Variants in LCP2 observed in about 807,000 individuals in gnomAD.
LCP2 encodes 76 kDa tyrosine phosphoprotein.
A neutral mutation model predicts 74.5 loss-of-function variants in LCP2; 29 were observed. The observed-to-expected ratio is 0.39, with a 90% CI of 0.29 to 0.53. The LOEUF (loss-of-function observed/expected upper bound fraction) is 0.53, where lower values mean the gene tolerates loss of function less well. Ranked by LOEUF, LCP2 falls within the 20% of genes least tolerant of loss-of-function variation. The probability of loss-of-function intolerance (pLI) is 0.72; values close to 1 mark genes in which losing one functional copy is unlikely to be tolerated. For synonymous variants in LCP2, 228 were observed against 229.5 expected, an observed-to-expected ratio of 0.99 and a Z score of 0.06; for missense variants, 604 against 634.6, an observed-to-expected ratio of 0.95 and a Z score of 0.52.
intron 3 of LCP2, among the ~76,000 whole-genome samples, chr5:170,279,650 A>T (rs893082988): frequency 6.6e-6 from 1 of 152,178 alleles, no homozygotes; most frequent in Non-Finnish European, 1.5e-5. Flanking sequence ...GATTTTTATT[A>T]TCATCCAAAA....
chr5:170,278,542 G>A (rs1305808072), intron 3 of LCP2, among the ~76,000 whole-genome samples: 2 of 150,330 alleles, frequency 1.3e-5, no homozygotes, highest in Middle Eastern at 3.4e-3. Context: ...GGTGGGATGC[G>A]GTTGCCATTT....
intron 7 of LCP2, among the ~76,000 whole-genome samples, 159 bp from the exon 8 acceptor site, chr5:170,268,641 C>T (rs1251255563): frequency 6.6e-6 from 1 of 152,094 alleles, no homozygotes; most frequent in East Asian, 1.9e-4. Flanking sequence ...TGGATCTCAC[C>T]CACCCCTCCC....
At chr5:170,297,072 T>G (rs1436535454) in intron 1 of LCP2, among the ~76,000 whole-genome samples, 1 of 152,182 alleles carries the variant, frequency 6.6e-6, no homozygotes, top group Non-Finnish European at 1.5e-5. Context: ...AGCGTTGATC[T>G]CATTAGCAGT....
chr5:170,267,153 T>G, intron 8 of LCP2, 78 bp from the exon 9 acceptor site: 2 of 1,404,948 alleles, frequency 1.4e-6, no homozygotes, highest in East Asian at 2.3e-5. Flanking sequence ...TGTCTGGATC[T>G]GCTCACTTTT....
Position 170,297,521 on chromosome 5 carries a change from G to A in LCP2, c.78+13C>T, listed in dbSNP as rs771576642. On this transcript the variant is annotated intron_variant, in intron 1 of 20. Coordinates refer to ENST00000046794, the MANE Select transcript of LCP2 (RefSeq NM_005565.5). ...ACTAGCATCATGACCATTCACACAAGAGCAAGGCTTACCTTCTTGAAATAG... is the reference window on the plus strand; with the variant it reads ...ACTAGCATCATGACCATTCACACAAAAGCAAGGCTTACCTTCTTGAAATAG... The A allele has an allele frequency of 6.2e-7, 1 of 1,610,642 alleles. No homozygotes were observed. Among genetic ancestry groups the A allele is most frequent in the African/African-American group, 1.3e-5 (1 of 74,968 alleles).
intron 3 of LCP2, among the ~76,000 whole-genome samples, chr5:170,281,583 C>T (rs1467974554): frequency 6.6e-6 from 1 of 152,232 alleles, no homozygotes; most frequent in Non-Finnish European, 1.5e-5. Flanking sequence ...CATTCTTTAA[C>T]AGGCATGAGA....
At chr5:170,270,500 G>T (rs763846993) in intron 7 of LCP2, 41 of 517,316 alleles carry the variant, frequency 7.9e-5, no homozygotes, top group Non-Finnish European at 1.1e-4. Context: ...AAACCTATGT[G>T]GTCTGTACAT....
At chr5:170,280,503 A>T (rs1206947519) in intron 3 of LCP2, among the ~76,000 whole-genome samples, 2 of 152,108 alleles carry the variant, frequency 1.3e-5, no homozygotes, top group Non-Finnish European at 2.9e-5. Flanking sequence ...GGGCAGCCAG[A>T]TGTTTTAAGA....
chr5:170,295,604 A>G (rs1762363535), intron 1 of LCP2, among the ~76,000 whole-genome samples: 1 of 152,192 alleles, frequency 6.6e-6, no homozygotes, highest in Admixed American at 6.5e-5. Flanking sequence ...TGACCCCACT[A>G]CTTGGGTAGA....
At chr5:170,269,096 ATC>A (rs1761842213) in intron 7 of LCP2, among the ~76,000 whole-genome samples, 2 of 152,226 alleles carry the variant, frequency 1.3e-5, no homozygotes, top group Non-Finnish European at 1.5e-5. Flanking sequence ...CATTTTGCTC[ATC>A]TCTTCCCATA....
intron 2 of LCP2, 133 bp downstream of exon 2, chr5:170,293,177 C>A: frequency 1.2e-6 from 1 of 818,522 alleles, no homozygotes; most frequent in Non-Finnish European, 2.0e-6. Flanking sequence ...AGAGGGGGCC[C>A]TACCAAATTT....
intron 14 of LCP2, 91 bp from the exon 15 acceptor site, chr5:170,258,969 A>G: frequency 1.2e-6 from 1 of 824,130 alleles, no homozygotes; most frequent in Non-Finnish European, 2.0e-6. Context: ...AATAAATCAA[A>G]TAGGTATCTG....
At chr5:170,249,061 C>T (rs1761365626) in intron 20 of LCP2, among the ~76,000 whole-genome samples, 1 of 152,128 alleles carries the variant, frequency 6.6e-6, no homozygotes, top group Non-Finnish European at 1.5e-5. Flanking sequence ...GTAATTCACC[C>T]CTGTAATCCC....
intron 2 of LCP2, among the ~76,000 whole-genome samples, chr5:170,290,977 AAAG>A (rs1762281987): frequency 2.3e-5 from 2 of 86,938 alleles, no homozygotes; most frequent in Non-Finnish European, 5.1e-5. Context: ...AGAAAGAAAG[AAAG>A]AAAGAAAGAA....
chr5:170,255,352 C>G (rs1309845105), intron 17 of LCP2, among the ~76,000 whole-genome samples: 1 of 152,202 alleles, frequency 6.6e-6, no homozygotes, highest in Admixed American at 6.5e-5. Flanking sequence ...TGTTGATTCT[C>G]AGGCTATCAA....
At chr5:170,264,306 A>T (rs1384886310) in intron 10 of LCP2, among the ~76,000 whole-genome samples, 1 of 152,212 alleles carries the variant, frequency 6.6e-6, no homozygotes, top group Non-Finnish European at 1.5e-5. Flanking sequence ...ATTTTCTTCT[A>T]CGTTTTTATT....
chr5:170,291,868 C>G (rs1198016061), intron 2 of LCP2, among the ~76,000 whole-genome samples: 1 of 152,186 alleles, frequency 6.6e-6, no homozygotes, highest in Non-Finnish European at 1.5e-5. Flanking sequence ...TTGGGTTTAG[C>G]AGTAATTTGC....
In LCP2 at chr5:170,277,074, TAA is replaced by T. The variant is rs750930541; in HGVS notation, c.189-1216_189-1215del. ...CTGGTGACAGAGGGAGACTCCATCT[TAA>T]AAAAAAAAAAAAAAAAAAAAAGGGA... On this transcript the variant is annotated intron_variant, in intron 3 of 20. Transcript: ENST00000046794. Among the ~76,000 whole-genome samples the T allele has an allele frequency of 5.5e-3, 497 of 91,106 alleles. 3 individuals are homozygous for T. Among genetic ancestry groups the T allele is most frequent in the African/African-American group, 0.017 (379 of 21,816 alleles). The allele number at this position is 91,106 out of a possible 152,430, so 59.8% of individuals were successfully genotyped here.
intron 2 of LCP2, among the ~76,000 whole-genome samples, chr5:170,289,635 TTC>T (rs1762245821): frequency 9.6e-6 from 1 of 104,072 alleles, no homozygotes; most frequent in Admixed American, 1.0e-4. Flanking sequence ...CTTTCTTTCT[TTC>T]TTTCTTTCTT....
Sources: allele counts gnomAD v4.1 joint callset (sites outside exome capture counted in the v4.1 genomes callset), GRCh38; gene constraint gnomAD v4.1.1; transcripts MANE v1.5; gene names NCBI Gene and HGNC (gene_info 2026-07-23, HGNC 2026-07-21).